The following IRF9 variants were observed in gnomAD, a reference collection of about 807,000 sequenced individuals.
The protein encoded by IRF9 is IFN-alpha-responsive transcription factor subunit.
Under a neutral mutation model 44.1 loss-of-function variants are expected in IRF9, and 13 were observed. The observed-to-expected ratio is 0.29, with a 90% CI of 0.19 to 0.47. IRF9 has a LOEUF of 0.47. IRF9 is among the 20% of genes least tolerant of loss of function. The pLI, the probability that IRF9 is intolerant of heterozygous loss-of-function variation, is 1.00. For missense variants in IRF9, 373 were observed against 496.1 expected (o/e 0.75, Z 2.36); for synonymous variants, 189 against 188.5 (o/e 1.00, Z -0.02).
chr14:24,165,393 T>C, intron 7 of IRF9: 1 of 601,142 alleles, frequency 1.7e-6, no homozygotes, highest in South Asian at 1.9e-5. Flanking sequence ...TGCCTTAGGG[T>C]TGCGCTTCTC....
In IRF9 at chr14:24,162,336, TG is replaced by T. The variant is rs751483884; in HGVS notation, c.180+14del. ...CTGCCTTCTTCAAGGTGAAAGGGCC[TG>T]GAAACCACTGTTCCTCTGTGTGTGG... On this transcript the variant is annotated intron_variant, in intron 2 of 8. Transcript: ENST00000396864. 1 of 1,611,050 alleles carries T rather than the reference TG, an allele frequency of 6.2e-7. No individual in the cohort carries two copies. Among genetic ancestry groups the T allele is most frequent in the South Asian group, 1.1e-5 (1 of 90,734 alleles).
At chr14:24,163,260 G>A (rs2038482371) in intron 3 of IRF9, 111 bp downstream of exon 3, 8 of 1,540,188 alleles carry the variant, frequency 5.2e-6, no homozygotes, top group African/African-American at 2.7e-5. Flanking sequence ...CCCTTGGGGG[G>A]CTGCAACCCA....
rs1306597280 is a variant in IRF9 at position 24,166,306 on chromosome 14, T to C, written c.*110T>C. The C allele has an allele frequency of 1.0e-6, 1 of 960,142 alleles. No homozygotes were observed. The highest frequency in any genetic ancestry group is 1.6e-5 in the African/African-American group (1 of 62,034). The allele number at this position is 960,142 out of a possible 1,614,324, so 59.5% of individuals were successfully genotyped here. A position where few individuals can be genotyped will look rare whatever the true frequency, so the allele number is the denominator to read the frequency against. On this transcript the variant is annotated 3_prime_UTR_variant, in exon 9 of 9. Transcript: ENST00000396864. ...TCCTCTTTGTGATAATTCTCAGTAG[T>C]TGTCCGTGATAATCGTGTCCTGAAA...
chr14:24,162,957 C>G lies in IRF9; in HGVS notation c.181-9C>G, dbSNP rs1478845018. ...ACACTGCCTCTTCTTCCCTTGCTTT[C>G]TTTCCTAGGCCTGGGCAATATTTAA... On this transcript the variant is annotated splice_polypyrimidine_tract_variant and intron_variant, in intron 2 of 8. Transcript: ENST00000396864. The G allele has an allele frequency of 6.2e-7, 1 of 1,611,958 alleles. No homozygotes were observed. Among genetic ancestry groups the G allele is most frequent in the Admixed American group, 1.7e-5 (1 of 59,838 alleles).
At chr14:24,165,737 G>C in intron 7 of IRF9, 110 bp from the exon 8 acceptor site, 1 of 688,582 alleles carries the variant, frequency 1.5e-6, no homozygotes, top group African/African-American at 1.8e-5. Flanking sequence ...TCCTGCTCTG[G>C]CAAGACCCCC....
chr14:24,163,326 T>C, intron 3 of IRF9, 52 bp from the exon 4 acceptor site: 2 of 1,594,292 alleles, frequency 1.3e-6, no homozygotes, highest in African/African-American at 1.3e-5. Context: ...TCCTTCACCC[T>C]CTGTCCTTGC....
Position 24,164,344 on chromosome 14 carries a change from C to CT in IRF9, c.649+211dup, listed in dbSNP as rs1219068620. ...TCCCAAAAATACCACCCTATACACT[C>CT]TCCTGGAAATCTACATTGAGACATT... On this transcript the variant is annotated intron_variant, in intron 6 of 8. Coordinates refer to ENST00000396864, the MANE Select transcript of IRF9 (RefSeq NM_006084.5). This position sits in a 1 kb window ranked among gnomAD's most constrained non-coding sequence, Gnocchi z 5.2. The CT allele has an allele frequency of 1.6e-6, 1 of 610,118 alleles. No homozygotes were observed. Among genetic ancestry groups the CT allele is most frequent in the African/African-American group, 1.9e-5 (1 of 53,818 alleles). The allele number at this position is 610,118 out of a possible 1,614,324, so 37.8% of individuals were successfully genotyped here.
At chr14:24,162,876 CAG>C in intron 2 of IRF9, 88 bp from the exon 3 acceptor site, 1 of 1,000,604 alleles carries the variant, frequency 1.0e-6, no homozygotes, top group South Asian at 1.5e-5. Flanking sequence ...CTTCTGAGCT[CAG>C]AGCTGCACGC....
Position 24,162,260 on chromosome 14 carries a change from G to A in IRF9, c.116G>A (p.Arg39Gln), listed in dbSNP as rs778462458. 10 of 1,614,132 alleles carry A rather than the reference G, an allele frequency of 6.2e-6. No homozygotes were observed. Among genetic ancestry groups the A allele is most frequent in the Non-Finnish European group, 8.5e-6 (10 of 1,180,034 alleles). The change falls in exon 2 of 9, where the codon CGG becomes CAG. Residue 39 changes from arginine to glutamine, a missense_variant. Transcript: ENST00000396864. ...CWDDTAKTMFRIPWKHAGKQD... is the reference protein window; with the variant it reads ...CWDDTAKTMFQIPWKHAGKQD... The stretch of plus-strand genomic sequence containing the variant: ...GATGATACAGCTAAGACCATGTTCC[G>A]GATTCCCTGGAAACATGCAGGCAAG...
In IRF9 at chr14:24,164,557, G is replaced by A. The variant is rs755572566; in HGVS notation, c.650-57G>A. The A allele has an allele frequency of 2.7e-6, 4 of 1,497,206 alleles. No individual in the cohort carries two copies. In the East Asian group the frequency reaches 9.1e-5, roughly 34 times the overall value. The allele number at this position is 1,497,206 out of a possible 1,614,324, so 92.7% of individuals were successfully genotyped here. ...GAGGTGGAGTTGTTCCCCTGGGGAGGGGCTGCTGCCAGCCTGCATGCTCCT... is the reference window on the plus strand; with the variant it reads ...GAGGTGGAGTTGTTCCCCTGGGGAGAGGCTGCTGCCAGCCTGCATGCTCCT... On this transcript the variant is annotated intron_variant, in intron 6 of 8. Coordinates refer to ENST00000396864, the MANE Select transcript of IRF9 (RefSeq NM_006084.5). This position sits in a 1 kb window ranked among gnomAD's most constrained non-coding sequence, Gnocchi z 5.2.
intron 2 of IRF9, chr14:24,162,706 A>G (rs536040621): frequency 2.1e-6 from 1 of 467,356 alleles, no homozygotes; most frequent in South Asian, 2.6e-5. Context: ...AGACTGAGGC[A>G]GGAGAATCGC....
intron 1 of IRF9, 108 bp from the exon 2 acceptor site, chr14:24,162,036 G>C (rs1216747255): frequency 1.0e-6 from 1 of 994,210 alleles, no homozygotes; most frequent in Admixed American, 2.2e-5. Flanking sequence ...AAGATGGATG[G>C]GATCTCTGGG....
rs528344360 is a variant in IRF9, at chr14:24,163,841, A to G, written c.496-37A>G. 451 of 1,572,996 alleles carry G rather than the reference A, an allele frequency of 2.9e-4. 5 individuals are homozygous for G. In the South Asian group the frequency reaches 4.4e-3, roughly 15 times the overall value. On this transcript the variant is annotated intron_variant, in intron 4 of 8. Transcript: ENST00000396864. The stretch of plus-strand genomic sequence containing the variant: ...AACAAGAGTGAAACTCTGTCTCAAA[A>G]AAAGAGAAAAAAAATAAAAAGACAC...
Position 24,164,380 on chromosome 14 carries a change from G to A in IRF9, c.650-234G>A. 1 of 601,782 alleles carries A rather than the reference G, an allele frequency of 1.7e-6. No individual in the cohort carries two copies. Among genetic ancestry groups the A allele is most frequent in the Non-Finnish European group, 2.9e-6 (1 of 342,098 alleles). 37.3% of individuals were successfully genotyped at this position (601,782 alleles called of 1,614,324 possible). ...CTACATTGAGACATTGATTTCATTGGGCCAAACAGAGGCCCAATCTCAAGG... is the reference window on the plus strand; with the variant it reads ...CTACATTGAGACATTGATTTCATTGAGCCAAACAGAGGCCCAATCTCAAGG... On this transcript the variant is annotated intron_variant, in intron 6 of 8. Coordinates refer to ENST00000396864, the MANE Select transcript of IRF9 (RefSeq NM_006084.5). The surrounding 1 kb of genome is among the most constrained non-coding windows in gnomAD (Gnocchi z 5.2).
Position 24,165,807 on chromosome 14 carries a change from T to G in IRF9, c.992-40T>G, listed in dbSNP as rs754239412. On this transcript the variant is annotated intron_variant, in intron 7 of 8. Coordinates refer to ENST00000396864, the MANE Select transcript of IRF9 (RefSeq NM_006084.5). The stretch of plus-strand genomic sequence containing the variant: ...GCCTCCCTGCCTGTGGCCCTCTCTC[T>G]TCTTTTTGTTCTTCGAACCCTTGAC... 5 of 1,459,888 alleles carry G rather than the reference T, an allele frequency of 3.4e-6. No homozygotes were observed. The African/African-American group carries it at 7.0e-5, about 20-fold the overall frequency. The allele number at this position is 1,459,888 out of a possible 1,614,324, so 90.4% of individuals were successfully genotyped here. A position where few individuals can be genotyped will look rare whatever the true frequency, so the allele number is the denominator to read the frequency against.
At chr14:24,165,707 A>T in intron 7 of IRF9, 140 bp from the exon 8 acceptor site, 1 of 614,520 alleles carries the variant, frequency 1.6e-6, no homozygotes, top group Non-Finnish European at 2.9e-6. Context: ...CTTAGTTCCA[A>T]GTACTTCTGA....
chr14:24,164,373 T>C lies in IRF9; in HGVS notation c.649+239T>C. 9 of 603,514 alleles carry C rather than the reference T, an allele frequency of 1.5e-5. No homozygotes were observed. The South Asian group carries it at 1.9e-4, about 13-fold the overall frequency. The allele number at this position is 603,514 out of a possible 1,614,324, so 37.4% of individuals were successfully genotyped here. A position where few individuals can be genotyped will look rare whatever the true frequency, so the allele number is the denominator to read the frequency against. ...TGGAAATCTACATTGAGACATTGATTTCATTGGGCCAAACAGAGGCCCAAT... is the reference window on the plus strand; with the variant it reads ...TGGAAATCTACATTGAGACATTGATCTCATTGGGCCAAACAGAGGCCCAAT... On this transcript the variant is annotated intron_variant, in intron 6 of 8. Coordinates refer to ENST00000396864, the MANE Select transcript of IRF9 (RefSeq NM_006084.5). This position sits in a 1 kb window ranked among gnomAD's most constrained non-coding sequence, Gnocchi z 5.2.
chr14:24,166,468 C>G lies in IRF9; in HGVS notation c.*272C>G. The G allele has an allele frequency of 1.9e-6, 1 of 521,176 alleles. No homozygotes were observed. Among genetic ancestry groups the G allele is most frequent in the Non-Finnish European group, 3.4e-6 (1 of 296,520 alleles). The allele number at this position is 521,176 out of a possible 1,614,324, so 32.3% of individuals were successfully genotyped here. On this transcript the variant is annotated 3_prime_UTR_variant, in exon 9 of 9. Coordinates refer to ENST00000396864, the MANE Select transcript of IRF9 (RefSeq NM_006084.5). ...AATGGTGTGAACCCAGGGGGCCTTT[C>G]CCTCTTCCCTGACCTCCCAACTCTA... is the stretch of plus-strand genomic sequence containing the variant.
intron 7 of IRF9, 86 bp from the exon 8 acceptor site, chr14:24,165,761 C>A: frequency 1.2e-6 from 1 of 842,810 alleles, no homozygotes; most frequent in Non-Finnish European, 1.9e-6. Flanking sequence ...TACCTCTCTC[C>A]ATCATGGGTT....
Sources: allele counts gnomAD v4.1 joint callset, GRCh38; gene constraint gnomAD v4.1.1; non-coding constraint Gnocchi (gnomAD v3.1); transcripts MANE v1.5; gene names NCBI Gene and HGNC (gene_info 2026-07-23, HGNC 2026-07-21).